The following TBL1X variants were observed in gnomAD, a reference collection of about 807,000 sequenced individuals.
TBL1X encodes the protein transducin beta like 1 X-linked.
Under a neutral mutation model 50.7 loss-of-function variants are expected in TBL1X, and 10 were observed. The ratio of observed to expected loss-of-function variants is 0.20; its 90% confidence interval spans 0.12 to 0.33. The LOEUF is 0.33. Ranked by LOEUF, TBL1X falls within the 10% of genes least tolerant of loss-of-function variation. TBL1X has a pLI of 1.00. For synonymous variants in TBL1X, 190 were observed against 214.7 expected, an observed-to-expected ratio of 0.88 and a Z score of 1.01; for missense variants, 340 against 504.4, an observed-to-expected ratio of 0.67 and a Z score of 3.12.
chrX:9,629,853 G>A (rs189649524), intron 2 of TBL1X, among the ~76,000 whole-genome samples: 1 of 110,733 alleles, frequency 9.0e-6, no homozygotes, highest in Admixed American at 9.6e-5. Context: ...GAATACTTCG[G>A]GATCGCTGAT....
chrX:9,710,086 G>A (rs939398528), intron 15 of TBL1X, among the ~76,000 whole-genome samples: 34 of 109,923 alleles, frequency 3.1e-4, no homozygotes, highest in African/African-American at 1.1e-3. Flanking sequence ...GCGTGGTGAC[G>A]TGTGCCTGTA....
chrX:9,578,073 G>T (rs1189006914), intron 2 of TBL1X, among the ~76,000 whole-genome samples: 1 of 111,760 alleles, frequency 8.9e-6, no homozygotes, highest in Non-Finnish European at 1.9e-5. Flanking sequence ...ATCGCTGTGG[G>T]TTCCACTCGT....
chrX:9,546,881 C>T (rs1461508499), intron 2 of TBL1X, among the ~76,000 whole-genome samples: 1 of 86,513 alleles, frequency 1.2e-5, no homozygotes, highest in Non-Finnish European at 2.2e-5. Context: ...TGCAGTGGCG[C>T]GATCTCGGCT....
intron 2 of TBL1X, among the ~76,000 whole-genome samples, chrX:9,568,382 G>A (rs1428073022): frequency 9.1e-6 from 1 of 109,540 alleles, no homozygotes. Context: ...TGCTGTGTAT[G>A]TTGTATATGT....
intron 2 of TBL1X, among the ~76,000 whole-genome samples, chrX:9,610,187 C>G (rs976399657): frequency 2.7e-5 from 3 of 112,095 alleles, no homozygotes; most frequent in Non-Finnish European, 3.8e-5. Flanking sequence ...CCTGAAGGGC[C>G]CTGGTTGTGT....
intron 1 of TBL1X, among the ~76,000 whole-genome samples, chrX:9,472,120 G>A (rs906098137): frequency 8.9e-6 from 1 of 112,071 alleles, no homozygotes; most frequent in Non-Finnish European, 1.9e-5. Flanking sequence ...TTAGGGACCT[G>A]CCTGTTGTTA....
At chrX:9,587,211 C>T (rs376415889) in intron 2 of TBL1X, among the ~76,000 whole-genome samples, 1 of 111,988 alleles carries the variant, frequency 8.9e-6, no homozygotes, top group African/African-American at 3.3e-5. Context: ...GGCGGAAACC[C>T]ATCTGTGTCG....
intron 3 of TBL1X, among the ~76,000 whole-genome samples, chrX:9,643,172 A>G (rs1021098249): frequency 9.0e-6 from 1 of 111,441 alleles, no homozygotes; most frequent in Non-Finnish European, 1.9e-5. Flanking sequence ...CACCCCCAAG[A>G]TAACCTGGGA....
intron 2 of TBL1X, among the ~76,000 whole-genome samples, chrX:9,586,634 G>A (rs1405519898): frequency 8.9e-6 from 1 of 112,335 alleles, no homozygotes; most frequent in Non-Finnish European, 1.9e-5. Context: ...GATGTTTTGG[G>A]TCACACCTGT....
At chrX:9,689,073 T>G (rs1447525919) in intron 7 of TBL1X, among the ~76,000 whole-genome samples, 1 of 113,375 alleles carries the variant, frequency 8.8e-6, no homozygotes, top group Non-Finnish European at 1.9e-5. Context: ...TGTGTTCCTG[T>G]GCGTGTGTGT....
intron 16 of TBL1X, among the ~76,000 whole-genome samples, chrX:9,713,398 A>G (rs2146662742): frequency 9.3e-6 from 1 of 108,083 alleles, no homozygotes; most frequent in African/African-American, 3.4e-5. Context: ...ACCCTTTTTT[A>G]TAAATCAAAG....
intron 2 of TBL1X, among the ~76,000 whole-genome samples, chrX:9,509,200 A>T (rs1279071048): frequency 9.3e-6 from 1 of 107,069 alleles, no homozygotes; most frequent in East Asian, 3.0e-4. Flanking sequence ...ATCCTGGCTA[A>T]CATGGTGAAA....
chrX:9,618,664 G>A (rs1171635584), intron 2 of TBL1X, among the ~76,000 whole-genome samples: 1 of 112,334 alleles, frequency 8.9e-6, no homozygotes, highest in Non-Finnish European at 1.9e-5. Flanking sequence ...GGACGACAGA[G>A]TGAGACTGTC....
chrX:9,654,073 A>G, intron 4 of TBL1X, 142 bp from the exon 5 acceptor site: 2 of 492,810 alleles, frequency 4.1e-6, no homozygotes, highest in Non-Finnish European at 6.5e-6. Context: ...ATGTAATCAC[A>G]TAATTATAAA....
chrX:9,685,422 C>T (rs2083051757), intron 6 of TBL1X, among the ~76,000 whole-genome samples: 1 of 111,427 alleles, frequency 9.0e-6, no homozygotes, highest in Non-Finnish European at 1.9e-5. Context: ...TCCCAAAGCA[C>T]TGGGACCACA....
At chrX:9,651,069 G>T (rs1443588892) in intron 3 of TBL1X, among the ~76,000 whole-genome samples, 1 of 82,563 alleles carries the variant, frequency 1.2e-5, no homozygotes, top group East Asian at 3.9e-4. Context: ...CACTTCCGTT[G>T]CCCAGGCTGG....
chrX:9,500,185 G>C (rs1183716702), intron 1 of TBL1X, among the ~76,000 whole-genome samples: 1 of 105,007 alleles, frequency 9.5e-6, no homozygotes, highest in Admixed American at 1.1e-4. Flanking sequence ...GCTGAAGCAG[G>C]AGGATCACTT....
At chrX:9,544,406 A>T (rs2082230841) in intron 2 of TBL1X, among the ~76,000 whole-genome samples, 1 of 111,584 alleles carries the variant, frequency 9.0e-6, no homozygotes, top group African/African-American at 3.3e-5. Flanking sequence ...CCCAGCATGT[A>T]CGTGGCTGGG....
At chrX:9,673,174 G>A (rs959012233) in intron 5 of TBL1X, among the ~76,000 whole-genome samples, 1 of 112,519 alleles carries the variant, frequency 8.9e-6, no homozygotes, top group African/African-American at 3.2e-5. Flanking sequence ...GCGGAGAGAA[G>A]CATTCAGAAT....
Sources: gnomAD v4.1 joint callset for allele counts (sites outside exome capture counted in the v4.1 genomes callset) on GRCh38, gnomAD v4.1.1 for gene constraint, MANE v1.5 for transcripts, NCBI Gene and HGNC (gene_info 2026-07-23, HGNC 2026-07-21) for gene names.